The following EXOG variants were observed in gnomAD, a reference collection of about 807,000 sequenced individuals.
EXOG encodes the protein nuclease EXOG, mitochondrial.
In EXOG, 27 loss-of-function variants were observed where a neutral mutation model predicts 25.8. The observed-to-expected ratio is 1.05, with a 90% CI of 0.77 to 1.45. The LOEUF (loss-of-function observed/expected upper bound fraction) is 1.45. Among genes scored for constraint, EXOG ranks in the 40% most tolerant of loss-of-function variants. EXOG has a pLI of 0.00. For missense variants in EXOG, 458 were observed against 450.5 expected (o/e 1.02, Z -0.15); for synonymous variants, 133 against 167.0 (o/e 0.80, Z 1.57).
Position 38,524,758 on chromosome 3 carries a change from C to A in EXOG, c.*396C>A. 1.0e-6 allele frequency: 1 copy of A among 990,940 alleles called. No individual in the cohort carries two copies. The highest frequency in any genetic ancestry group is 1.2e-6 in the Non-Finnish European group (1 of 833,778). 61.4% of individuals were successfully genotyped at this position (990,940 alleles called of 1,614,324 possible). ...CTAATTATTAAGGGAGCTTTGACAC[C>A]TGCAGATGGAGGGCTGATCTTGTGT... On this transcript the variant is annotated 3_prime_UTR_variant, in exon 6 of 6. Transcript: ENST00000287675.
chr3:38,524,069 C>A lies in EXOG; in HGVS notation c.814C>A (p.Leu272Ile), dbSNP rs1027842320. Reference protein sequence around the residue: ...LTEFQVSLQDLEKLSGLVFFP... With the variant: ...LTEFQVSLQDIEKLSGLVFFP... ...TGAATTCCAAGTGAGCCTCCAGGAC[C>A]TAGAGAAGTTGTCAGGACTGGTGTT... The change falls in exon 6 of 6, where the codon CTA (leucine) becomes ATA (isoleucine). Residue 272 changes from leucine (L) to isoleucine (I), a missense_variant. Physicochemically the swap from Leu to Ile is conservative, Grantham distance 5. This residue lies in a region of EXOG where 178 missense variants were observed against 203.7 expected (regional missense o/e 0.87). Transcript: ENST00000287675. The A allele has an allele frequency of 1.9e-6, 3 of 1,614,170 alleles. No homozygotes were observed. The highest frequency in any genetic ancestry group is 2.7e-5 in the African/African-American group (2 of 75,042).
Position 38,524,166 on chromosome 3 carries a change from T to C in EXOG, c.911T>C (p.Phe304Ser). 6.2e-7 allele frequency: 1 copy of C among 1,614,198 alleles called. No individual in the cohort carries two copies. Among genetic ancestry groups the C allele is most frequent in the African/African-American group, 1.3e-5 (1 of 75,040 alleles). ...CSVDTCKLLD[F>S]QEFTLYLSTR... is the part of the protein sequence containing the mutation. ...GTGGACACCTGTAAGCTCCTGGATT[T>C]CCAGGAGTTCACCTTGTACTTGAGT... The change falls in exon 6 of 6, where the codon TTC becomes TCC. Residue 304 changes from phenylalanine to serine, a missense_variant. By Grantham distance (155) the Phe-to-Ser change is radical. Transcript: ENST00000287675.
chr3:38,525,114 C>G lies in EXOG; in HGVS notation c.*752C>G. On this transcript the variant is annotated 3_prime_UTR_variant, in exon 6 of 6. Transcript: ENST00000287675. Reference sequence around the variant, plus strand: ...CTAGTTTCTGCTCATTAAATGTGTTCTATATACTAGGCTCAGTGCTTTACA... The same window carrying G: ...CTAGTTTCTGCTCATTAAATGTGTTGTATATACTAGGCTCAGTGCTTTACA... 2 of 954,434 alleles carry G rather than the reference C, an allele frequency of 2.1e-6. No individual in the cohort carries two copies. Among genetic ancestry groups the G allele is most frequent in the Non-Finnish European group, 2.5e-6 (2 of 801,930 alleles). 59.1% of individuals were successfully genotyped at this position (954,434 alleles called of 1,614,324 possible).
At chr3:38,505,137 C>T (rs991373702) in intron 4 of EXOG, among the ~76,000 whole-genome samples, 1 of 152,122 alleles carries the variant, frequency 6.6e-6, no homozygotes, top group Non-Finnish European at 1.5e-5. Flanking sequence ...ATTTTATAGT[C>T]AGTGTTCAAA....
chr3:38,521,137 C>G (rs1398007010), intron 5 of EXOG, among the ~76,000 whole-genome samples: 2 of 152,164 alleles, frequency 1.3e-5, no homozygotes, highest in Non-Finnish European at 2.9e-5. Context: ...TGTTTGCTTC[C>G]TAAGAACAAA....
At chr3:38,497,020 G>A in intron 1 of EXOG, 1 of 1,027,498 alleles carries the variant, frequency 9.7e-7, no homozygotes, top group Non-Finnish European at 1.2e-6. Flanking sequence ...AAGAATACCT[G>A]CTATCCCTCC....
chr3:38,501,173 T>C lies in EXOG; in HGVS notation c.314-182T>C. 9 of 581,550 alleles carry C rather than the reference T, an allele frequency of 1.5e-5. 1 individual carries two copies. In the South Asian group the frequency reaches 2.0e-4, roughly 13 times the overall value. The allele number at this position is 581,550 out of a possible 1,614,324, so 36.0% of individuals were successfully genotyped here. On this transcript the variant is annotated intron_variant, in intron 2 of 5. Coordinates refer to ENST00000287675, the MANE Select transcript of EXOG (RefSeq NM_005107.4). ...GTATGAAAAGCATTCTTTCCTAGAC[T>C]AGTACTTTCTAAATTCAGATGAAGT... is the stretch of plus-strand genomic sequence containing the variant.
At chr3:38,502,663 TA>T (rs2060082783) in intron 3 of EXOG, among the ~76,000 whole-genome samples, 1 of 152,186 alleles carries the variant, frequency 6.6e-6, no homozygotes, top group African/African-American at 2.4e-5. Flanking sequence ...TGTGCAGTAA[TA>T]TTATCTAAAA....
At chr3:38,512,247 T>C (rs1188239035) in intron 5 of EXOG, among the ~76,000 whole-genome samples, 1 of 152,244 alleles carries the variant, frequency 6.6e-6, no homozygotes, top group Non-Finnish European at 1.5e-5. Context: ...GAAAAATTTT[T>C]AAATTATGCA....
chr3:38,497,735 G>A lies in EXOG; in HGVS notation c.270G>A (p.Val90=). 1.9e-6 allele frequency: 3 copies of A among 1,606,518 alleles called. No homozygotes were observed. The highest frequency in any genetic ancestry group is 1.7e-4 in the Middle Eastern group (1 of 6,050). Residue 90 remains valine (V), a synonymous_variant, in exon 2 of 6, where the codon GTG becomes GTA. Coordinates refer to ENST00000287675, the MANE Select transcript of EXOG (RefSeq NM_005107.4). The part of the protein sequence containing the change: ...HALSYDQAKR[V]PRWVLEHISK... Reference sequence around the variant, plus strand: ...TGTCTTATGATCAGGCAAAGCGGGTGCCTAGATGGGTTCTTGAACATATTT... The same window carrying A: ...TGTCTTATGATCAGGCAAAGCGGGTACCTAGATGGGTTCTTGAACATATTT...
At chr3:38,519,311 T>C (rs1333420049) in intron 5 of EXOG, 1 of 152,212 alleles carries the variant, frequency 6.6e-6, no homozygotes, top group Non-Finnish European at 1.5e-5. Context: ...AAGAAGAGGT[T>C]GATTCCAGAC....
Position 38,523,982 on chromosome 3 carries a change from C to A in EXOG, c.727C>A (p.Pro243Thr). The stretch of plus-strand genomic sequence containing the variant: ...CCGCAGAAGCTCAGTATCTACCGAA[C>A]CACTGGCGCTAGGGGCCTTTGTGGT... ...LARRSSVSTE[P>T]LALGAFVVPN... Residue 243 changes from proline to threonine, a missense_variant, in exon 6 of 6, where the codon CCA (proline) becomes ACA (threonine). Transcript: ENST00000287675. 1.9e-6 allele frequency: 3 copies of A among 1,613,818 alleles called. No homozygotes were observed. The highest frequency in any genetic ancestry group is 2.5e-6 in the Non-Finnish European group (3 of 1,179,830).
chr3:38,519,595 T>C (rs1408840237), intron 5 of EXOG, among the ~76,000 whole-genome samples: 1 of 152,218 alleles, frequency 6.6e-6, no homozygotes, highest in Non-Finnish European at 1.5e-5. Flanking sequence ...AAAGCTTTTG[T>C]TCATTTCCAT....
Position 38,525,627 on chromosome 3 carries a change from G to A in EXOG, c.*1265G>A. Reference sequence around the variant, plus strand: ...TTCTTGCTTTCCAGGTGAGCTTTTTGTTCTTAAGATTAAGAAACCTATGAA... The same window carrying A: ...TTCTTGCTTTCCAGGTGAGCTTTTTATTCTTAAGATTAAGAAACCTATGAA... On this transcript the variant is annotated 3_prime_UTR_variant, in exon 6 of 6. Transcript: ENST00000287675. 1.0e-6 allele frequency: 1 copy of A among 985,344 alleles called. No individual in the cohort carries two copies. Among genetic ancestry groups the A allele is most frequent in the Non-Finnish European group, 1.2e-6 (1 of 829,916 alleles). The allele number at this position is 985,344 out of a possible 1,614,324, so 61.0% of individuals were successfully genotyped here. A position where few individuals can be genotyped will look rare whatever the true frequency, so the allele number is the denominator to read the frequency against.
At position 38,524,102 on chromosome 3, in the gene EXOG, C is replaced by CA. The variant is rs763820882; in HGVS notation, c.848dup (p.His283GlnfsTer4). 5.0e-6 allele frequency: 8 copies of CA among 1,613,804 alleles called. No individual in the cohort carries two copies. Among genetic ancestry groups the CA allele is most frequent in the Non-Finnish European group, 2.5e-6 (3 of 1,179,926 alleles). ...GTTGTCAGGACTGGTGTTTTTTCCT[C>CA]ATTTGGATAGAACTAGTGATATCCG... On this transcript the variant is annotated frameshift_variant, in exon 6 of 6. Transcript: ENST00000287675. LOFTEE classifies it low-confidence loss of function (END_TRUNC).
chr3:38,509,521 A>G (rs767707011), intron 5 of EXOG, among the ~76,000 whole-genome samples: 2 of 152,200 alleles, frequency 1.3e-5, no homozygotes, highest in African/African-American at 4.8e-5. Flanking sequence ...GTCATTAGCA[A>G]TGAACACATC....
At position 38,524,716 on chromosome 3, in the gene EXOG, T is replaced by A; in HGVS notation, c.*354T>A. 2 of 1,003,324 alleles carry A rather than the reference T, an allele frequency of 2.0e-6. No individual in the cohort carries two copies. Among genetic ancestry groups the A allele is most frequent in the Non-Finnish European group, 2.4e-6 (2 of 841,812 alleles). The allele number at this position is 1,003,324 out of a possible 1,614,324, so 62.2% of individuals were successfully genotyped here. Reference sequence around the variant, plus strand: ...AGATCTACAATGTTTTTGTCAGTATTATATTTGACTCAGGAACTAATTATT... The same window carrying A: ...AGATCTACAATGTTTTTGTCAGTATAATATTTGACTCAGGAACTAATTATT... On this transcript the variant is annotated 3_prime_UTR_variant, in exon 6 of 6. Transcript: ENST00000287675.
chr3:38,517,249 A>G (rs533864641), intron 5 of EXOG, among the ~76,000 whole-genome samples: 46 of 152,318 alleles, frequency 3.0e-4, no homozygotes, highest in African/African-American at 7.7e-4. Flanking sequence ...CTTGTTATCA[A>G]TGTAGACTCA....
chr3:38,516,361 ATTTC>A (rs2060543377), intron 5 of EXOG, among the ~76,000 whole-genome samples: 1 of 152,148 alleles, frequency 6.6e-6, no homozygotes, highest in East Asian at 1.9e-4. Context: ...GCAGGTTAAT[ATTTC>A]TTAATGTTTT....
Sources: allele counts gnomAD v4.1 joint callset (sites outside exome capture counted in the v4.1 genomes callset), GRCh38; gene constraint gnomAD v4.1.1; regional missense constraint gnomAD v4.1.1; transcripts MANE v1.5; gene names NCBI Gene and HGNC (gene_info 2026-07-23, HGNC 2026-07-21).